The following GSE1 variants were observed in gnomAD, a reference collection of about 807,000 sequenced individuals.
GSE1 encodes the protein genetic suppressor element 1.
GSE1 carries 32 observed loss-of-function variants against 112.6 expected under a neutral mutation model. The ratio of observed to expected loss-of-function variants is 0.28; its 90% confidence interval spans 0.21 to 0.38. The LOEUF (loss-of-function observed/expected upper bound fraction) is 0.38, where lower values mean the gene tolerates loss of function less well. Ranked by LOEUF, GSE1 falls within the 10% of genes least tolerant of loss-of-function variation. The pLI, the probability that GSE1 is intolerant of heterozygous loss-of-function variation, is 1.00. For missense variants in GSE1, 2,348 were observed against 1,699.2 expected (o/e 1.38, Z -6.71); for synonymous variants, 1,115 against 735.6 (o/e 1.52, Z -8.35).
chr16:85,586,784 G>A (rs1469484987), intron 1 of GSE1, among the ~76,000 whole-genome samples: 2 of 152,216 alleles, frequency 1.3e-5, no homozygotes, highest in African/African-American at 4.8e-5. Flanking sequence ...CCCGGAGCCG[G>A]TGGGCTCTCC....
At chr16:85,301,022 G>A (rs1053095248) in intron 1 of GSE1, among the ~76,000 whole-genome samples, 1 of 152,152 alleles carries the variant, frequency 6.6e-6, no homozygotes, top group African/African-American at 2.4e-5. Flanking sequence ...CCCTCCTCCA[G>A]GGGCCACCTT....
intron 1 of GSE1, among the ~76,000 whole-genome samples, chr16:85,263,865 G>A (rs1221103585): frequency 1.3e-5 from 2 of 152,090 alleles, no homozygotes; most frequent in Non-Finnish European, 2.9e-5. Context: ...AAGCTGCCAC[G>A]CCTGGCCACT....
chr16:85,477,555 GT>G (rs1411356102), intron 2 of GSE1, among the ~76,000 whole-genome samples: 2 of 134,380 alleles, frequency 1.5e-5, no homozygotes, highest in South Asian at 2.4e-4. Context: ...AAGGTCTTAG[GT>G]TTTTTTTTTG....
intron 1 of GSE1, among the ~76,000 whole-genome samples, chr16:85,268,307 C>T (rs968485563): frequency 2.6e-5 from 4 of 152,100 alleles, no homozygotes; most frequent in Non-Finnish European, 4.4e-5. Flanking sequence ...GTACTCCCCC[C>T]GCAGTCCTCC....
chr16:85,612,987 C>T (rs2048092035), upstream of GSE1, among the ~76,000 whole-genome samples: 1 of 152,210 alleles, frequency 6.6e-6, no homozygotes, highest in Non-Finnish European at 1.5e-5. Flanking sequence ...CCAGGGGCTC[C>T]CGAGAGTGTG....
chr16:85,221,746 C>A (rs2075397274), intron 1 of GSE1, among the ~76,000 whole-genome samples: 1 of 152,204 alleles, frequency 6.6e-6, no homozygotes, highest in South Asian at 2.1e-4. Context: ...TCCTTCATGT[C>A]CAGGCAGGTG....
chr16:85,201,566 T>C (rs2075029873), intron 1 of GSE1, among the ~76,000 whole-genome samples: 2 of 151,494 alleles, frequency 1.3e-5, no homozygotes, highest in South Asian at 4.2e-4. Context: ...GCAGGAGAAT[T>C]GCTTGAACCC....
intron 2 of GSE1, among the ~76,000 whole-genome samples, chr16:85,510,599 A>G (rs2051709433): frequency 6.6e-6 from 1 of 152,150 alleles, no homozygotes; most frequent in Non-Finnish European, 1.5e-5. Flanking sequence ...AAAACACTGG[A>G]AGGGAGGGGG....
chr16:85,172,961 C>T (rs978660463), intron 1 of GSE1, among the ~76,000 whole-genome samples: 2 of 152,192 alleles, frequency 1.3e-5, no homozygotes, highest in African/African-American at 4.8e-5. Flanking sequence ...CTCAGATTTC[C>T]TTTTCTACTG....
intron 2 of GSE1, among the ~76,000 whole-genome samples, chr16:85,539,086 C>T (rs1427815545): frequency 6.6e-6 from 1 of 152,232 alleles, no homozygotes; most frequent in African/African-American, 2.4e-5. Flanking sequence ...CACAGCTTTG[C>T]CCACTCCTGT....
chr16:85,602,866 G>A (rs1024958000), intron 1 of GSE1, among the ~76,000 whole-genome samples: 1 of 152,238 alleles, frequency 6.6e-6, no homozygotes, highest in African/African-American at 2.4e-5. Context: ...GCCCTCCCCC[G>A]CAGGGGCCCA....
chr16:85,520,759 A>G (rs2052156527), intron 2 of GSE1, among the ~76,000 whole-genome samples: 1 of 152,114 alleles, frequency 6.6e-6, no homozygotes, highest in Admixed American at 6.5e-5. Flanking sequence ...TTCAGAAGCC[A>G]AGACTACCCA....
intron 1 of GSE1, among the ~76,000 whole-genome samples, chr16:85,307,452 C>G (rs990897905): frequency 1.3e-5 from 2 of 152,180 alleles, no homozygotes; most frequent in African/African-American, 4.8e-5. Context: ...GAAAGCTGCA[C>G]TCACAGTTAT....
intron 1 of GSE1, among the ~76,000 whole-genome samples, chr16:85,214,252 C>A (rs4545808): frequency 1.3e-5 from 2 of 150,880 alleles, no homozygotes; most frequent in Admixed American, 6.6e-5. Flanking sequence ...GGCCCCCCCA[C>A]CCAGATTCTT....
At chr16:85,216,166 C>T (rs1414384548) in intron 1 of GSE1, among the ~76,000 whole-genome samples, 1 of 152,236 alleles carries the variant, frequency 6.6e-6, no homozygotes, top group Non-Finnish European at 1.5e-5. Flanking sequence ...ATTCCGACCC[C>T]TTAAAGGGCT....
chr16:85,647,017 G>T (rs187830152), intron 2 of GSE1, among the ~76,000 whole-genome samples: 58 of 152,300 alleles, frequency 3.8e-4, no homozygotes, highest in African/African-American at 1.3e-3. Context: ...CTTCTGACCT[G>T]GGCGGGAGGG....
rs141184789 is a variant in GSE1 at position 85,675,346 on chromosome 16, T to C, written c.*2807T>C. ...TACCTTCCAATAGTAAATTATCTGG[T>C]TCCTCACTGAAACAAGTTATTTTTG... On this transcript the variant is annotated 3_prime_UTR_variant, in exon 16 of 16. Coordinates refer to ENST00000253458, the MANE Select transcript of GSE1 (RefSeq NM_014615.5). 3.3e-4 allele frequency: 51 copies of C among 152,312 alleles called. No homozygotes were observed. Among genetic ancestry groups the C allele is most frequent in the African/African-American group, 1.2e-3 (48 of 41,578 alleles). The allele number at this position is 152,312 out of a possible 1,614,324, so 9.4% of individuals were successfully genotyped here.
intron 1 of GSE1, among the ~76,000 whole-genome samples, chr16:85,303,961 A>T (rs947375970): frequency 3.9e-5 from 6 of 152,186 alleles, no homozygotes; most frequent in African/African-American, 1.4e-4. Flanking sequence ...GCTTGCGAAG[A>T]CAGCGGAGAC....
chr16:85,450,605 T>C (rs546207971), intron 2 of GSE1, among the ~76,000 whole-genome samples: 11 of 151,670 alleles, frequency 7.3e-5, no homozygotes, highest in East Asian at 6.0e-4. Flanking sequence ...CCCGCTACCA[T>C]GCCCAGCTAC....
Sources: allele counts gnomAD v4.1 joint callset (sites outside exome capture counted in the v4.1 genomes callset), GRCh38; gene constraint gnomAD v4.1.1; transcripts MANE v1.5; gene names NCBI Gene and HGNC (gene_info 2026-07-23, HGNC 2026-07-21).